FGF5: variants seen among roughly 807,000 people sequenced by gnomAD.
The protein encoded by FGF5 is heparin-binding growth factor 5.
A neutral mutation model predicts 21.8 loss-of-function variants in FGF5; 23 were observed. The ratio of observed to expected loss-of-function variants is 1.05; its 90% CI spans 0.76 to 1.49. The LOEUF is 1.49. FGF5 is among the 40% of genes most tolerant of loss of function. The pLI is 0.00. For synonymous variants in FGF5, 158 were observed against 124.0 expected (o/e 1.27, Z -1.82); for missense variants, 352 against 332.9 (o/e 1.06, Z -0.45).
Position 80,286,759 on chromosome 4 carries a change from C to T in FGF5, c.*87C>T, listed in dbSNP as rs563860210. 31 of 961,238 alleles carry T rather than the reference C, an allele frequency of 3.2e-5. No homozygotes were observed. Among genetic ancestry groups the T allele is most frequent in the Admixed American group, 1.4e-4 (6 of 44,228 alleles). The allele number at this position is 961,238 out of a possible 1,614,324, so 59.5% of individuals were successfully genotyped here. A position where few individuals can be genotyped will look rare whatever the true frequency, so the allele number is the denominator to read the frequency against. On this transcript the variant is annotated 3_prime_UTR_variant, in exon 3 of 3. Coordinates refer to ENST00000312465, the MANE Select transcript of FGF5 (RefSeq NM_004464.4). ...AGAGTTCTGAAGAAAAATTACTGGA[C>T]ACAGCTTCAGCTATACTTACACTGT...
intron 1 of FGF5, among the ~76,000 whole-genome samples, chr4:80,271,307 A>G (rs745609931): frequency 3.9e-5 from 6 of 152,212 alleles, no homozygotes; most frequent in Non-Finnish European, 5.9e-5. Flanking sequence ...ATCATAATGC[A>G]TAAGTGGAAT....
At chr4:80,268,565 GT>G in intron 1 of FGF5, 1 of 982,998 alleles carries the variant, frequency 1.0e-6, no homozygotes. Flanking sequence ...AGGCGCGCAA[GT>G]GGGTAAGGCG....
rs1341914258 is a variant in FGF5 at position 80,289,669 on chromosome 4, G to A, written c.*2997G>A. 6.6e-6 allele frequency: 1 copy of A among 151,240 alleles called. No homozygotes were observed. Among genetic ancestry groups the A allele is most frequent in the African/African-American group, 2.5e-5 (1 of 40,656 alleles). 9.4% of individuals were successfully genotyped at this position (151,240 alleles called of 1,614,324 possible). On this transcript the variant is annotated 3_prime_UTR_variant, in exon 3 of 3. Transcript: ENST00000312465. ...AAATAGAAATTTTCAATAAGATGTA[G>A]TAACACTGTGATTTATCTTTCAAGA...
At position 80,266,990 on chromosome 4, in the gene FGF5, T is replaced by G; in HGVS notation, c.166T>G (p.Ser56Ala). ...SRQSSSSAMS[S>A]SSASSSPAAS... ...ACAGAGCAGCAGTAGCGCTATGTCT[T>G]CCTCTTCTGCCTCCTCCTCCCCCGC... The change falls in exon 1 of 3, where the codon TCC (serine) becomes GCC (alanine). Residue 56 changes from serine (S) to alanine (A), a missense_variant. Physicochemically the swap from Ser to Ala is moderately conservative, Grantham distance 99. Coordinates refer to ENST00000312465, the MANE Select transcript of FGF5 (RefSeq NM_004464.4). The G allele has an allele frequency of 6.2e-7, 1 of 1,614,158 alleles. No homozygotes were observed. Among genetic ancestry groups the G allele is most frequent in the Non-Finnish European group, 8.5e-7 (1 of 1,180,022 alleles).
intron 1 of FGF5, among the ~76,000 whole-genome samples, chr4:80,273,715 C>T (rs1720333211): frequency 1.3e-5 from 2 of 151,820 alleles, no homozygotes. Context: ...TCCTTCTTTT[C>T]CTTTTTAAAA....
chr4:80,276,003 G>T (rs987792551), intron 2 of FGF5, among the ~76,000 whole-genome samples: 46 of 152,010 alleles, frequency 3.0e-4, no homozygotes, highest in African/African-American at 1.0e-3. Flanking sequence ...AATTTGATTT[G>T]ATAGATCTTT....
chr4:80,280,130 G>A (rs948409590), intron 2 of FGF5, among the ~76,000 whole-genome samples: 15 of 152,220 alleles, frequency 9.9e-5, no homozygotes, highest in African/African-American at 3.4e-4. Context: ...CACTCTGCCA[G>A]TCAAGACCAT....
intron 2 of FGF5, among the ~76,000 whole-genome samples, chr4:80,277,642 C>T (rs1333909335): frequency 1.3e-5 from 2 of 151,992 alleles, no homozygotes; most frequent in Non-Finnish European, 2.9e-5. Flanking sequence ...TACGACTTTA[C>T]ATCATCCCCA....
chr4:80,280,289 TG>T (rs1280362836), intron 2 of FGF5, among the ~76,000 whole-genome samples: 2 of 152,346 alleles, frequency 1.3e-5, no homozygotes, highest in Middle Eastern at 3.4e-3. Flanking sequence ...CCCTCAGTTT[TG>T]CACTGTGGAG....
chr4:80,285,486 C>T (rs1720684927), intron 2 of FGF5, among the ~76,000 whole-genome samples: 1 of 152,158 alleles, frequency 6.6e-6, no homozygotes. Context: ...GAAGACTTTT[C>T]TGCCCTCTTC....
chr4:80,271,796 A>G (rs902099560), intron 1 of FGF5, among the ~76,000 whole-genome samples: 1 of 152,190 alleles, frequency 6.6e-6, no homozygotes, highest in African/African-American at 2.4e-5. Context: ...ACTCCCGATG[A>G]TAAAGGTCAG....
intron 2 of FGF5, 95 bp from the exon 3 acceptor site, chr4:80,286,230 A>G (rs1720711385): frequency 2.3e-6 from 2 of 867,062 alleles, no homozygotes; most frequent in South Asian, 2.2e-5. Flanking sequence ...AGAGATCAAC[A>G]AAATTATTGT....
chr4:80,282,692 G>A (rs1720588742), intron 2 of FGF5, among the ~76,000 whole-genome samples: 2 of 152,132 alleles, frequency 1.3e-5, no homozygotes, highest in South Asian at 4.1e-4. Context: ...GCAATTAGAT[G>A]AAGGAGTCTT....
In FGF5 at chr4:80,290,286, A is replaced by C. The variant is rs958779002; in HGVS notation, c.*3614A>C. The C allele has an allele frequency of 7.2e-5, 11 of 152,194 alleles. No homozygotes were observed. Among genetic ancestry groups the C allele is most frequent in the Admixed American group, 7.2e-4 (11 of 15,282 alleles). The allele number at this position is 152,194 out of a possible 1,614,324, so 9.4% of individuals were successfully genotyped here. ...AATTTAAAATCCATTTTAGGTGATA[A>C]AATTTTTTAAAAGTTTTGAAGGAAA... On this transcript the variant is annotated 3_prime_UTR_variant, in exon 3 of 3. Coordinates refer to ENST00000312465, the MANE Select transcript of FGF5 (RefSeq NM_004464.4).
intron 2 of FGF5, among the ~76,000 whole-genome samples, chr4:80,278,100 G>A (rs959147300): frequency 2.0e-5 from 3 of 152,046 alleles, no homozygotes; most frequent in Non-Finnish European, 4.4e-5. Context: ...ATAGTGCTTG[G>A]TAGATAAAAG....
In FGF5 at chr4:80,286,950, G is replaced by C. The variant is rs1284070273; in HGVS notation, c.*278G>C. On this transcript the variant is annotated 3_prime_UTR_variant, in exon 3 of 3. Coordinates refer to ENST00000312465, the MANE Select transcript of FGF5 (RefSeq NM_004464.4). Reference sequence around the variant, plus strand: ...GGATATTTAGAACTTTGTATTTTCGGAAAGTTAAATAACAGGGACTACGTA... The same window carrying C: ...GGATATTTAGAACTTTGTATTTTCGCAAAGTTAAATAACAGGGACTACGTA... The C allele has an allele frequency of 3.4e-6, 1 of 292,950 alleles. No individual in the cohort carries two copies. Among genetic ancestry groups the C allele is most frequent in the Non-Finnish European group, 6.3e-6 (1 of 157,528 alleles). 18.1% of individuals were successfully genotyped at this position (292,950 alleles called of 1,614,324 possible). A position where few individuals can be genotyped will look rare whatever the true frequency, so the allele number is the denominator to read the frequency against.
chr4:80,275,741 T>C (rs1720393276), intron 2 of FGF5, among the ~76,000 whole-genome samples: 1 of 152,042 alleles, frequency 6.6e-6, no homozygotes, highest in African/African-American at 2.4e-5. Context: ...TCAGCTTAGT[T>C]TTCCCACTCA....
intron 2 of FGF5, among the ~76,000 whole-genome samples, chr4:80,282,054 CTG>C (rs1430235664): frequency 6.6e-6 from 1 of 152,144 alleles, no homozygotes; most frequent in African/African-American, 2.4e-5. Flanking sequence ...CCTCCGCCCC[CTG>C]GGTTCAAGCG....
In FGF5 at chr4:80,286,421, C is replaced by T. The variant is rs753110821; in HGVS notation, c.556C>T (p.Arg186Trp). Reference protein sequence around the residue: ...SAIHRTEKTGREWYVALNKRG... With the variant: ...SAIHRTEKTGWEWYVALNKRG... ...AATACATAGAACTGAAAAAACAGGG[C>T]GGGAGTGGTATGTGGCCCTGAATAA... The change falls in exon 3 of 3, where the codon CGG becomes TGG. Residue 186 changes from arginine to tryptophan, a missense_variant. Physicochemically the swap from Arg to Trp is moderately radical, Grantham distance 101. Transcript: ENST00000312465. The T allele has an allele frequency of 4.3e-6, 7 of 1,613,820 alleles. No homozygotes were observed. The highest frequency in any genetic ancestry group is 1.7e-4 in the Middle Eastern group (1 of 6,060).
Sources: allele counts gnomAD v4.1 joint callset (sites outside exome capture counted in the v4.1 genomes callset), GRCh38; gene constraint gnomAD v4.1.1; transcripts MANE v1.5; gene names NCBI Gene and HGNC (gene_info 2026-07-23, HGNC 2026-07-21).